KIF16B: variants seen among roughly 807,000 people sequenced by gnomAD.
KIF16B encodes kinesin family member 16B.
Under a neutral mutation model 156.3 loss-of-function variants are expected in KIF16B, and 98 were observed. That is an observed-to-expected ratio of 0.63 (90% confidence interval 0.53 to 0.74). The LOEUF is 0.74. Among genes scored for constraint, KIF16B ranks in the 30% least tolerant of loss-of-function variants. The pLI, the probability that KIF16B is intolerant of heterozygous loss-of-function variation, is 0.00. For missense variants in KIF16B, 1,421 were observed against 1,606.5 expected (o/e 0.88, Z 1.97); for synonymous variants, 564 against 583.7 (o/e 0.97, Z 0.49).
intron 10 of KIF16B, among the ~76,000 whole-genome samples, chr20:16,500,488 T>C (rs1233380062): frequency 2.0e-5 from 3 of 152,208 alleles, no homozygotes; most frequent in Non-Finnish European, 4.4e-5. Context: ...CTTTTGTCTA[T>C]GTGAGCTTTC....
chr20:16,473,570 C>T (rs1325583557), intron 12 of KIF16B, among the ~76,000 whole-genome samples: 2 of 152,150 alleles, frequency 1.3e-5, no homozygotes, highest in African/African-American at 4.8e-5. Flanking sequence ...ATAGGAAGGA[C>T]GCTGGACCAG....
chr20:16,371,648 T>C lies in KIF16B; in HGVS notation c.3447+17A>G, dbSNP rs377412981. On this transcript the variant is annotated intron_variant, in intron 21 of 25. Coordinates refer to ENST00000354981, the MANE Select transcript of KIF16B (RefSeq NM_024704.5). ...AACGAACTTGTTACTTCGTGTTACT[T>C]GGCTCCTTCAGCTTACCTTCATCGT... 2 of 1,518,934 alleles carry C rather than the reference T, an allele frequency of 1.3e-6. No homozygotes were observed. The highest frequency in any genetic ancestry group is 9.1e-7 in the Non-Finnish European group (1 of 1,099,080). 94.1% of individuals were successfully genotyped at this position (1,518,934 alleles called of 1,614,324 possible).
chr20:16,429,147 C>T (rs538587894), intron 13 of KIF16B, 143 bp from the exon 14 acceptor site: 73 of 691,768 alleles, frequency 1.1e-4, no homozygotes, highest in Admixed American at 1.0e-3. Flanking sequence ...GCATCGAGAG[C>T]TCCCCAAGGC....
intron 25 of KIF16B, among the ~76,000 whole-genome samples, chr20:16,274,465 T>C (rs1378522278): frequency 1.3e-5 from 2 of 152,276 alleles, no homozygotes; most frequent in East Asian, 1.9e-4. Context: ...ATAGTTAATA[T>C]ATTTTAGGCC....
chr20:16,475,783 G>A (rs1440538146), intron 12 of KIF16B, among the ~76,000 whole-genome samples: 2 of 152,280 alleles, frequency 1.3e-5, no homozygotes, highest in East Asian at 1.9e-4. Flanking sequence ...CTAATAGCAA[G>A]CTAATCAAAA....
At chr20:16,387,745 A>G (rs370827291) in intron 17 of KIF16B, among the ~76,000 whole-genome samples, 11 of 152,206 alleles carry the variant, frequency 7.2e-5, no homozygotes, top group Admixed American at 7.2e-4. Flanking sequence ...AGTGAGGCTC[A>G]TAAGTGCTCC....
chr20:16,283,864 C>T (rs139337665), intron 25 of KIF16B, among the ~76,000 whole-genome samples: 2 of 152,102 alleles, frequency 1.3e-5, no homozygotes, highest in Admixed American at 1.3e-4. Context: ...TGGCCAAATA[C>T]GGCATTCTGT....
At chr20:16,572,887 GC>G (rs11480037) in intron 1 of KIF16B, among the ~76,000 whole-genome samples, 100,707 of 152,058 alleles carry the variant, frequency 0.66, 34,258 homozygotes, top group African/African-American at 0.83. Context: ...AGTTCGTGGT[GC>G]CCCCCCTCAG....
intron 15 of KIF16B, among the ~76,000 whole-genome samples, chr20:16,411,793 A>T (rs1453199535): frequency 1.3e-5 from 2 of 151,956 alleles, no homozygotes; most frequent in Non-Finnish European, 2.9e-5. Flanking sequence ...ATATTGAACA[A>T]ACTGTGTGTG....
At chr20:16,348,145 G>C (rs2064268493) in intron 23 of KIF16B, among the ~76,000 whole-genome samples, 1 of 152,074 alleles carries the variant, frequency 6.6e-6, no homozygotes, top group South Asian at 2.1e-4. Context: ...AAGGCAAAAA[G>C]TTAAAACATA....
In KIF16B at chr20:16,380,277, TAAAA is replaced by T. The variant is rs886450612; in HGVS notation, c.1839-118_1839-115del. On this transcript the variant is annotated intron_variant, in intron 18 of 25. Coordinates refer to ENST00000354981, the MANE Select transcript of KIF16B (RefSeq NM_024704.5). The stretch of plus-strand genomic sequence containing the variant: ...AACCAGGTCAAAGCCTCCATTAAAA[TAAAA>T]AAAAGAAGAGTAACTGCTTTCCTTT... 1.8e-5 allele frequency: 17 copies of T among 952,652 alleles called. No homozygotes were observed. In the African/African-American group the frequency reaches 2.9e-4, roughly 16 times the overall value. The allele number at this position is 952,652 out of a possible 1,614,324, so 59.0% of individuals were successfully genotyped here.
At chr20:16,280,443 G>A (rs1042607500) in intron 25 of KIF16B, among the ~76,000 whole-genome samples, 3 of 152,246 alleles carry the variant, frequency 2.0e-5, no homozygotes, top group Non-Finnish European at 2.9e-5. Context: ...CCTGTGCAAG[G>A]ATCTGGGTGG....
intron 6 of KIF16B, among the ~76,000 whole-genome samples, chr20:16,508,717 G>A (rs1281047981): frequency 6.6e-6 from 1 of 152,120 alleles, no homozygotes; most frequent in Non-Finnish European, 1.5e-5. Context: ...TCTGCAGCCC[G>A]GGGGTTAGAG....
At chr20:16,422,020 C>G (rs564901372) in intron 15 of KIF16B, among the ~76,000 whole-genome samples, 2 of 152,080 alleles carry the variant, frequency 1.3e-5, no homozygotes, top group Admixed American at 6.6e-5. Flanking sequence ...GGTTCCTAAC[C>G]TGAATCATTA....
intron 25 of KIF16B, among the ~76,000 whole-genome samples, chr20:16,286,413 G>A (rs2063222966): frequency 1.3e-5 from 2 of 152,092 alleles, no homozygotes. Flanking sequence ...GAGTACTCCA[G>A]AGTCTGAAAA....
chr20:16,462,365 A>G (rs1476984982), intron 12 of KIF16B, among the ~76,000 whole-genome samples: 1 of 152,080 alleles, frequency 6.6e-6, no homozygotes, highest in East Asian at 1.9e-4. Context: ...TTCTTCTTTC[A>G]TTTCACAACA....
rs543632299 is a variant in KIF16B at position 16,379,981 on chromosome 20, G to T, written c.2021C>A (p.Ala674Glu). Residue 674 changes from alanine to glutamate, a missense_variant, in exon 19 of 26, where the codon GCG (alanine) becomes GAG (glutamate). By Grantham distance (107) the Ala-to-Glu change is moderately radical. Coordinates refer to ENST00000354981, the MANE Select transcript of KIF16B (RefSeq NM_024704.5). ...HIENKLKDLL[A>E]EKEKFEEERL... ...CTCCTCTTCAAATTTTTCCTTCTCC[G>T]CAAGTAAATCCTTTAGCTTGTTCTC... 5 of 1,612,330 alleles carry T rather than the reference G, an allele frequency of 3.1e-6. No individual in the cohort carries two copies. The highest frequency in any genetic ancestry group is 3.4e-6 in the Non-Finnish European group (4 of 1,179,628).
intron 25 of KIF16B, among the ~76,000 whole-genome samples, chr20:16,287,589 T>C (rs1456516274): frequency 6.6e-6 from 1 of 152,254 alleles, no homozygotes; most frequent in Non-Finnish European, 1.5e-5. Context: ...CTCAGTCTGG[T>C]TCACATATTC....
chr20:16,548,866 G>A (rs1214933305), intron 1 of KIF16B, among the ~76,000 whole-genome samples: 5 of 152,106 alleles, frequency 3.3e-5, no homozygotes, highest in South Asian at 2.1e-4. Context: ...GTGGCACAAC[G>A]AGACGAAGAC....
Sources: gnomAD v4.1 joint callset for allele counts (sites outside exome capture counted in the v4.1 genomes callset) on GRCh38, gnomAD v4.1.1 for gene constraint, MANE v1.5 for transcripts, NCBI Gene and HGNC (gene_info 2026-07-23, HGNC 2026-07-21) for gene names.